Variants in ZFHX4 observed in about 807,000 individuals in gnomAD.
The protein encoded by ZFHX4 is zinc finger homeobox protein 4.
In ZFHX4, 56 loss-of-function variants were observed where a neutral mutation model predicts 267.6. The observed-to-expected ratio is 0.21, with a 90% CI of 0.17 to 0.26. ZFHX4 has a LOEUF of 0.26. Among genes scored for constraint, ZFHX4 ranks in the 10% least tolerant of loss-of-function variants. The probability of loss-of-function intolerance (pLI) is 1.00; values close to 1 mark genes in which losing one functional copy is unlikely to be tolerated. For missense variants in ZFHX4, 4,332 were observed against 4,420.0 expected (o/e 0.98, Z 0.56); for synonymous variants, 1,778 against 1,665.6 (o/e 1.07, Z -1.64).
Position 76,852,643 on chromosome 8 carries a change from G to T in ZFHX4, c.5722G>T (p.Ala1908Ser). The T allele has an allele frequency of 1.2e-6, 2 of 1,613,436 alleles. No homozygotes were observed. Among genetic ancestry groups the T allele is most frequent in the Non-Finnish European group, 1.7e-6 (2 of 1,179,594 alleles). ...AATAGCTTCAGGGGCCAGAGGAAAT[G>T]CTGCCAAAGCGTTATTGGAAAACTT... Reference protein sequence around the residue: ...PRIASGARGNAAKALLENFGF... With the variant: ...PRIASGARGNSAKALLENFGF... Residue 1908 changes from alanine to serine, a missense_variant, in exon 10 of 11, where the codon GCT becomes TCT. Physicochemically the swap from Ala to Ser is moderately conservative, Grantham distance 99 (BLOSUM62 1). Around this residue, in one of 7 missense-constraint regions of ZFHX4, gnomAD observed 1,371 missense variants for 1,423.1 expected, o/e 0.96. Coordinates refer to ENST00000651372, the MANE Select transcript of ZFHX4 (RefSeq NM_024721.5).
chr8:76,844,008 TAAAC>T (rs1419290860), intron 6 of ZFHX4, among the ~76,000 whole-genome samples: 1 of 152,090 alleles, frequency 6.6e-6, no homozygotes, highest in Non-Finnish European at 1.5e-5. Flanking sequence ...TAATTTGACT[TAAAC>T]AAAGAAGATC....
chr8:76,741,261 C>T (rs949385361), intron 3 of ZFHX4, among the ~76,000 whole-genome samples: 16 of 152,186 alleles, frequency 1.1e-4, no homozygotes, highest in African/African-American at 3.9e-4. Flanking sequence ...GAAGTTTAGC[C>T]ATGAAGCAAT....
intron 2 of ZFHX4, 82 bp from the exon 3 acceptor site, chr8:76,707,464 T>C: frequency 2.3e-6 from 3 of 1,293,640 alleles, no homozygotes. Flanking sequence ...ACATTCCTTG[T>C]CAAGACTTTA....
At chr8:76,727,778 G>A (rs1011104788) in intron 3 of ZFHX4, among the ~76,000 whole-genome samples, 1 of 152,162 alleles carries the variant, frequency 6.6e-6, no homozygotes, top group East Asian at 1.9e-4. Context: ...TAGTGCCTGT[G>A]ATATTTGATT....
At chr8:76,798,069 G>GA (rs1811027728) in intron 4 of ZFHX4, among the ~76,000 whole-genome samples, 1 of 152,108 alleles carries the variant, frequency 6.6e-6, no homozygotes, top group Admixed American at 6.6e-5. Flanking sequence ...AAAATTTGCA[G>GA]ATAAAGAATA....
chr8:76,738,764 T>C (rs1401788525), intron 3 of ZFHX4, among the ~76,000 whole-genome samples: 1 of 150,648 alleles, frequency 6.6e-6, no homozygotes, highest in African/African-American at 2.4e-5. Flanking sequence ...GATAGAGTCT[T>C]GCTCTGTCAC....
rs1812984539 is a variant in ZFHX4, at chr8:76,864,710, T to TA, written c.*146dup. 1.7e-6 allele frequency: 1 copy of TA among 584,622 alleles called. No individual in the cohort carries two copies. The highest frequency in any genetic ancestry group is 1.9e-5 in the African/African-American group (1 of 53,200). 36.2% of individuals were successfully genotyped at this position (584,622 alleles called of 1,614,324 possible). Reference sequence around the variant, plus strand: ...CTCAGGATTGTTTTTCCCATATTGATATGCTGGCAATATAGGATGGTATGT... The same window carrying TA: ...CTCAGGATTGTTTTTCCCATATTGATAATGCTGGCAATATAGGATGGTATGT... On this transcript the variant is annotated 3_prime_UTR_variant, in exon 11 of 11. Transcript: ENST00000651372.
chr8:76,853,440 C>T lies in ZFHX4; in HGVS notation c.6519C>T (p.Ile2173=), dbSNP rs1417875002. 3.1e-6 allele frequency: 5 copies of T among 1,613,746 alleles called. No individual in the cohort carries two copies. The African/African-American group carries it at 5.3e-5, about 17-fold the overall frequency. The change falls in exon 10 of 11, where the codon ATC becomes ATT. Residue 2173 remains isoleucine (I), a synonymous_variant. Coordinates refer to ENST00000651372, the MANE Select transcript of ZFHX4 (RefSeq NM_024721.5). ...AEKSGLSQKV[I]KHWFRNTLFK... ...AATCTGGCCTCTCCCAAAAAGTTATCAAACACTGGTTTAGAAATACGCTTT... is the reference window on the plus strand; with the variant it reads ...AATCTGGCCTCTCCCAAAAAGTTATTAAACACTGGTTTAGAAATACGCTTT...
Position 76,853,298 on chromosome 8 carries a change from A to G in ZFHX4, c.6377A>G (p.His2126Arg). 3 of 1,611,294 alleles carry G rather than the reference A, an allele frequency of 1.9e-6. No individual in the cohort carries two copies. The highest frequency in any genetic ancestry group is 2.5e-6 in the Non-Finnish European group (3 of 1,178,530). The change falls in exon 10 of 11, where the codon CAT becomes CGT. Residue 2126 changes from histidine (H) to arginine (R), a missense_variant. This residue lies in a region of ZFHX4 where 1,371 missense variants were observed against 1,423.1 expected (regional missense o/e 0.96). Transcript: ENST00000651372. ...QLGLDPNFLR[H>R]SQFKRPRTRI... ...GGATTAGATCCCAACTTCTTAAGACATTCTCAGTTCAAACGCCCACGGACA... is the reference window on the plus strand; with the variant it reads ...GGATTAGATCCCAACTTCTTAAGACGTTCTCAGTTCAAACGCCCACGGACA...
In ZFHX4 at chr8:76,856,266, A is replaced by T. The variant is rs1290886737; in HGVS notation, c.9345A>T (p.Pro3115=). 1.2e-6 allele frequency: 2 copies of T among 1,613,822 alleles called. No homozygotes were observed. The highest frequency in any genetic ancestry group is 4.5e-5 in the East Asian group (2 of 44,862). The change falls in exon 10 of 11, where the codon CCA becomes CCT. Residue 3115 remains proline (P), a synonymous_variant. Transcript: ENST00000651372. ...TCCTTCTCCCCGGAATGAACGGTCC[A>T]TCCTCCTTGCCGGGATTTCCACAAA... ...PPVLLPGMNG[P]SSLPGFPQNS...
At chr8:76,848,149 T>G (rs982138492) in intron 6 of ZFHX4, among the ~76,000 whole-genome samples, 1 of 152,204 alleles carries the variant, frequency 6.6e-6, no homozygotes, top group African/African-American at 2.4e-5. Context: ...AATGAGGTTT[T>G]GTGTTTGTCA....
At chr8:76,764,839 G>A (rs1190568853) in intron 3 of ZFHX4, among the ~76,000 whole-genome samples, 1 of 152,142 alleles carries the variant, frequency 6.6e-6, no homozygotes, top group Non-Finnish European at 1.5e-5. Context: ...CCATGCTGTA[G>A]GTTAAGCAGT....
At chr8:76,684,947 A>G (rs1807654354) in intron 1 of ZFHX4, among the ~76,000 whole-genome samples, 1 of 152,212 alleles carries the variant, frequency 6.6e-6, no homozygotes, top group African/African-American at 2.4e-5. Flanking sequence ...TATCTCTAAT[A>G]ACAATATTAG....
rs997677123 is a variant in ZFHX4, at chr8:76,705,820, G to A, written c.1732G>A (p.Ala578Thr). 3 of 1,613,908 alleles carry A rather than the reference G, an allele frequency of 1.9e-6. No individual in the cohort carries two copies. The highest frequency in any genetic ancestry group is 1.3e-5 in the African/African-American group (1 of 75,022). Residue 578 changes from alanine to threonine, a missense_variant, in exon 2 of 11, where the codon GCC becomes ACC. This residue lies in a region of ZFHX4 where 1,195 missense variants were observed against 1,173.6 expected (regional missense o/e 1.02). Transcript: ENST00000651372. Reference protein sequence around the residue: ...SATAAHPSEIARGDEDSSATP... With the variant: ...SATAAHPSEITRGDEDSSATP... ...CACAGCTGCTCATCCAAGTGAAATA[G>A]CCCGGGGAGACGAAGACAGTTCAGC... is the stretch of plus-strand genomic sequence containing the variant.
rs771845973 is a variant in ZFHX4, at chr8:76,853,638, G to A, written c.6717G>A (p.Arg2239=). 7 of 1,613,608 alleles carry A rather than the reference G, an allele frequency of 4.3e-6. No homozygotes were observed. The Admixed American group carries it at 1.2e-4, about 27-fold the overall frequency. Residue 2239 remains arginine (R), a synonymous_variant, in exon 10 of 11, where the codon AGG becomes AGA. Coordinates refer to ENST00000651372, the MANE Select transcript of ZFHX4 (RefSeq NM_024721.5). ...CGAGATTTACTGACTACCAGCTTAG[G>A]GTTCTGCAAGACTTTTTTGACACAA... The part of the protein sequence containing the change: ...SRTRFTDYQL[R]VLQDFFDTNA...
Position 76,686,155 on chromosome 8 carries a change from T to A in ZFHX4, c.-47+4535T>A, listed in dbSNP as rs1300689110. Among the ~76,000 whole-genome samples the A allele has an allele frequency of 2.0e-5, 3 of 152,340 alleles. No homozygotes were observed. The East Asian group carries it at 5.8e-4, about 29-fold the overall frequency. On this transcript the variant is annotated intron_variant, in intron 1 of 10. Coordinates refer to ENST00000651372, the MANE Select transcript of ZFHX4 (RefSeq NM_024721.5). ...ACAGCTGCACGAATTTCATATGTGA[T>A]AGAACATTTTTTCCATTCAGTGTGA...
At chr8:76,772,918 T>A (rs1810305179) in intron 3 of ZFHX4, among the ~76,000 whole-genome samples, 1 of 152,186 alleles carries the variant, frequency 6.6e-6, no homozygotes, top group African/African-American at 2.4e-5. Context: ...AGTTTACTTC[T>A]TTGGGAAAGT....
intron 3 of ZFHX4, among the ~76,000 whole-genome samples, chr8:76,743,176 G>A (rs1207577624): frequency 6.6e-6 from 1 of 152,164 alleles, no homozygotes; most frequent in African/African-American, 2.4e-5. Flanking sequence ...CACTAACACA[G>A]CCACAGATTT....
At chr8:76,769,294 T>G (rs1186494784) in intron 3 of ZFHX4, among the ~76,000 whole-genome samples, 1 of 152,114 alleles carries the variant, frequency 6.6e-6, no homozygotes, top group Admixed American at 6.6e-5. Context: ...TTTTTTTCTA[T>G]TACTTTAGAA....
Sources: gnomAD v4.1 joint callset for allele counts (sites outside exome capture counted in the v4.1 genomes callset) on GRCh38, gnomAD v4.1.1 for gene constraint, gnomAD v4.1.1 regional missense constraint, MANE v1.5 for transcripts, NCBI Gene and HGNC (gene_info 2026-07-23, HGNC 2026-07-21) for gene names.